DSP: variants seen among roughly 807,000 people sequenced by gnomAD.
The protein encoded by DSP is 250/210 kDa paraneoplastic pemphigus antigen.
DSP carries 114 observed loss-of-function variants against 290.6 expected under a neutral mutation model. The observed-to-expected ratio is 0.39, with a 90% CI of 0.34 to 0.46. The LOEUF (loss-of-function observed/expected upper bound fraction) is 0.46. DSP is among the 20% of genes least tolerant of loss of function. DSP has a pLI of 0.99. For synonymous variants in DSP, 1,311 were observed against 1,316.4 expected, an observed-to-expected ratio of 1.00 and a Z score of 0.09; for missense variants, 3,230 against 3,495.8, an observed-to-expected ratio of 0.92 and a Z score of 1.92.
chr6:7,571,242 A>G (rs1350998358), intron 13 of DSP, 141 bp from the exon 14 acceptor site: 1 of 842,578 alleles, frequency 1.2e-6, no homozygotes, highest in African/African-American at 1.7e-5. Flanking sequence ...TAAAACCTAA[A>G]AGACCTTTTA....
intron 1 of DSP, among the ~76,000 whole-genome samples, chr6:7,549,034 G>A (rs942991318): frequency 6.6e-6 from 1 of 152,154 alleles, no homozygotes; most frequent in South Asian, 2.1e-4. Context: ...GAGAGGAGAG[G>A]ATGCAGAGGT....
intron 20 of DSP, 46 bp downstream of exon 20, chr6:7,577,088 A>C: frequency 3.4e-6 from 5 of 1,461,684 alleles, no homozygotes. Flanking sequence ...CAAGATTATT[A>C]TTAACTGCAT....
chr6:7,575,548 A>G, intron 18 of DSP, 60 bp downstream of exon 18: 2 of 1,601,236 alleles, frequency 1.2e-6, no homozygotes, highest in Non-Finnish European at 1.7e-6. Context: ...TTCACAAGAT[A>G]ATGTCACTTG....
At chr6:7,551,350 G>C (rs1758337090) in intron 1 of DSP, among the ~76,000 whole-genome samples, 1 of 152,090 alleles carries the variant, frequency 6.6e-6, no homozygotes, top group Non-Finnish European at 1.5e-5. Context: ...TTCCTGGCTG[G>C]GAGTGGTGCC....
rs1759617585 is a variant in DSP at position 7,585,347 on chromosome 6, C to A, written c.8085C>A (p.Phe2695Leu). ...GGCTGAAGCCTGCTCAGAAAGCCTTCATAGGCTTCGAGGGTGTGAAGGGAA... is the reference window on the plus strand; with the variant it reads ...GGCTGAAGCCTGCTCAGAAAGCCTTAATAGGCTTCGAGGGTGTGAAGGGAA... ...ATRLKPAQKA[F>L]IGFEGVKGKK... Residue 2695 changes from phenylalanine (F) to leucine (L), a missense_variant, in exon 24 of 24, where the codon TTC becomes TTA. Physicochemically the swap from Phe to Leu is conservative, Grantham distance 22. Around this residue, in one of 5 missense-constraint regions of DSP, gnomAD observed 582 missense variants for 555.4 expected, o/e 1.05. Coordinates refer to ENST00000379802, the MANE Select transcript of DSP (RefSeq NM_004415.4). The A allele has an allele frequency of 1.2e-6, 2 of 1,614,136 alleles. No individual in the cohort carries two copies. The highest frequency in any genetic ancestry group is 1.7e-6 in the Non-Finnish European group (2 of 1,180,034).
At position 7,583,852 on chromosome 6, in the gene DSP, G is replaced by A. The variant is rs753789327; in HGVS notation, c.6590G>A (p.Gly2197Asp). 6.2e-7 allele frequency: 1 copy of A among 1,614,088 alleles called. No individual in the cohort carries two copies. Among genetic ancestry groups the A allele is most frequent in the South Asian group, 1.1e-5 (1 of 91,076 alleles). The change falls in exon 24 of 24, where the codon GGT becomes GAT. Residue 2197 changes from glycine (G) to aspartate (D), a missense_variant. By Grantham distance (94) the Gly-to-Asp change is moderately conservative. Transcript: ENST00000379802. This position sits in a 1 kb window ranked among gnomAD's most constrained non-coding sequence, Gnocchi z 4.0. ...KERCRIEPHT[G>D]LLLLSVQKRS... ...CGGTGCAGAATCGAACCACATACTG[G>A]TCTGCTCTTGCTTTCAGTACAGAAG...
At chr6:7,567,251 T>G in intron 8 of DSP, 103 bp from the exon 9 acceptor site, 1 of 932,702 alleles carries the variant, frequency 1.1e-6, no homozygotes. Flanking sequence ...TAGAATGAGA[T>G]AAAAACTGCT....
In DSP at chr6:7,565,565, T is replaced by C; in HGVS notation, c.939+45T>C. 3 of 1,611,980 alleles carry C rather than the reference T, an allele frequency of 1.9e-6. No homozygotes were observed. The highest frequency in any genetic ancestry group is 2.5e-6 in the Non-Finnish European group (3 of 1,178,312). On this transcript the variant is annotated intron_variant, in intron 7 of 23. Transcript: ENST00000379802. The surrounding 1 kb of genome is among the most constrained non-coding windows in gnomAD (Gnocchi z 4.2). ...CTGTAGATGCTTGTCTTGAGCCTGT[T>C]GCCTTGAAGAGCTGGGGTCTCGGGG...
At chr6:7,555,999 G>A (rs761996166) in intron 2 of DSP, among the ~76,000 whole-genome samples, 179 bp downstream of exon 2, 6 of 152,158 alleles carry the variant, frequency 3.9e-5, no homozygotes, top group Admixed American at 3.3e-4. Context: ...TTGTAATGTT[G>A]GTTTAACAAT....
rs145650440 is a variant in DSP at position 7,571,887 on chromosome 6, A to G, written c.1949A>G (p.Asn650Ser). 2.5e-5 allele frequency: 41 copies of G among 1,614,010 alleles called. No homozygotes were observed. In the African/African-American group the frequency reaches 5.3e-4, roughly 21 times the overall value. The change falls in exon 15 of 24, where the codon AAC becomes AGC. Residue 650 changes from asparagine to serine, a missense_variant. Asn to Ser is a conservative substitution (Grantham distance 46). Around this residue, in one of 5 missense-constraint regions of DSP, gnomAD observed 1,714 missense variants for 1,844.5 expected, o/e 0.93. Transcript: ENST00000379802. ...CATCATGGAACCTGCCAAGATGTCA[A>G]CCATAATAAAGTAATTGAAACCAAC... Reference protein sequence around the residue: ...ITHHGTCQDVNHNKVIETNRE... With the variant: ...ITHHGTCQDVSHNKVIETNRE...
intron 1 of DSP, among the ~76,000 whole-genome samples, chr6:7,548,136 G>A (rs985834829): frequency 6.6e-6 from 1 of 151,718 alleles, no homozygotes; most frequent in Non-Finnish European, 1.5e-5. Flanking sequence ...GCGTGGTGGC[G>A]GGCTCCTGTA....
Position 7,581,490 on chromosome 6 carries a change from A to G in DSP, c.5300A>G (p.Gln1767Arg). ...AGCAACAACCGGACCCTGGAACTGC[A>G]GGGGCTGATTAATGATTTACAGAGA... The part of the protein sequence containing the change: ...QISNNRTLEL[Q>R]GLINDLQRER... The change falls in exon 23 of 24, where the codon CAG becomes CGG. Residue 1767 changes from glutamine to arginine, a missense_variant. This residue lies in a region of DSP where 1,714 missense variants were observed against 1,844.5 expected (regional missense o/e 0.93). Coordinates refer to ENST00000379802, the MANE Select transcript of DSP (RefSeq NM_004415.4). 6.2e-7 allele frequency: 1 copy of G among 1,613,888 alleles called. No individual in the cohort carries two copies. Among genetic ancestry groups the G allele is most frequent in the Non-Finnish European group, 8.5e-7 (1 of 1,179,950 alleles).
chr6:7,585,550 GGCTGCAAGAC>G lies in DSP; in HGVS notation c.8289_8298del (p.Leu2764ProfsTer8). 1.2e-6 allele frequency: 2 copies of G among 1,614,124 alleles called. No individual in the cohort carries two copies. Among genetic ancestry groups the G allele is most frequent in the Non-Finnish European group, 1.7e-6 (2 of 1,180,028 alleles). On this transcript the variant is annotated frameshift_variant, in exon 24 of 24. Transcript: ENST00000379802. LOFTEE classifies it high-confidence loss of function. ...TTCATAGATGGCCGCGCCGCACAGA[GGCTGCAAGAC>G]ACCAGCAGCTATGCCAAAATCCTGA...
chr6:7,571,346 C>T, intron 13 of DSP, 37 bp from the exon 14 acceptor site: 1 of 1,613,064 alleles, frequency 6.2e-7, no homozygotes, highest in Non-Finnish European at 8.5e-7. Flanking sequence ...GTGGGGCAGT[C>T]ATAAATCCCA....
chr6:7,553,901 C>G (rs1204799248), intron 1 of DSP, among the ~76,000 whole-genome samples: 10 of 152,090 alleles, frequency 6.6e-5, no homozygotes, highest in Non-Finnish European at 1.5e-4. Flanking sequence ...TGTTGGGGAG[C>G]CTTGCCTGCA....
At chr6:7,549,182 T>G (rs1758260564) in intron 1 of DSP, among the ~76,000 whole-genome samples, 1 of 151,830 alleles carries the variant, frequency 6.6e-6, no homozygotes, top group Non-Finnish European at 1.5e-5. Context: ...GGAGTTTTGC[T>G]CTTGTTGCCC....
chr6:7,567,971 G>T, intron 10 of DSP, 65 bp downstream of exon 10: 1 of 1,599,948 alleles, frequency 6.3e-7, no homozygotes, highest in Non-Finnish European at 8.5e-7. Context: ...ACATGCCTTG[G>T]ATGCAGTTGG....
intron 13 of DSP, among the ~76,000 whole-genome samples, 180 bp downstream of exon 13, chr6:7,570,743 A>T (rs1310866158): frequency 6.6e-6 from 1 of 152,202 alleles, no homozygotes; most frequent in African/African-American, 2.4e-5. Flanking sequence ...AGGGATTAGC[A>T]TATGGCTGAT....
intron 15 of DSP, among the ~76,000 whole-genome samples, chr6:7,573,123 T>C (rs886436778): frequency 6.6e-6 from 1 of 151,128 alleles, no homozygotes; most frequent in Non-Finnish European, 1.5e-5. Context: ...AAAAAATGTG[T>C]GTGTGTGTGT....
Sources: gnomAD v4.1 joint callset for allele counts (sites outside exome capture counted in the v4.1 genomes callset) on GRCh38, gnomAD v4.1.1 for gene constraint, gnomAD v4.1.1 regional missense constraint, Gnocchi (gnomAD v3.1) non-coding constraint, MANE v1.5 for transcripts, NCBI Gene and HGNC (gene_info 2026-07-23, HGNC 2026-07-21) for gene names.